C1GALT1: variants seen among roughly 807,000 people sequenced by gnomAD.
The protein encoded by C1GALT1 is core 1 synthase, glycoprotein-N-acetylgalactosamine 3-beta-galactosyltransferase 1.
C1GALT1 carries 11 observed loss-of-function variants against 31.0 expected under a neutral mutation model. The ratio of observed to expected loss-of-function variants is 0.36; its 90% CI spans 0.22 to 0.59. C1GALT1 has a LOEUF of 0.59. Ranked by LOEUF, C1GALT1 falls within the 20% of genes least tolerant of loss-of-function variation. The pLI is 0.79. For missense variants in C1GALT1, 424 were observed against 425.2 expected, an observed-to-expected ratio of 1.00 and a Z score of 0.03; for synonymous variants, 175 against 143.6, an observed-to-expected ratio of 1.22 and a Z score of -1.56.
intron 1 of C1GALT1, among the ~76,000 whole-genome samples, chr7:7,193,384 T>G (rs1471016455): frequency 1.3e-5 from 2 of 152,186 alleles, no homozygotes; most frequent in Non-Finnish European, 2.9e-5. Flanking sequence ...GCTTGCCAGT[T>G]ACCCCAGTAC....
At chr7:7,175,807 CTTTT>C (rs918751564) in intron 2 of C1GALT1, among the ~76,000 whole-genome samples, 1 of 148,914 alleles carries the variant, frequency 6.7e-6, no homozygotes, top group Non-Finnish European at 1.5e-5. Flanking sequence ...CTGCTGAGGG[CTTTT>C]TTTTTTCTGG....
intron 1 of C1GALT1, among the ~76,000 whole-genome samples, chr7:7,186,081 C>T (rs1385771900): frequency 2.0e-5 from 3 of 152,122 alleles, no homozygotes; most frequent in Admixed American, 6.5e-5. Context: ...AGGGACTCTG[C>T]AGAGTCCTGA....
chr7:7,231,439 AGT>A (rs1489795345), intron 1 of C1GALT1, among the ~76,000 whole-genome samples: 5 of 152,176 alleles, frequency 3.3e-5, no homozygotes, highest in Non-Finnish European at 5.9e-5. Flanking sequence ...CAAAGGTTCC[AGT>A]TAACACTTAC....
chr7:7,187,808 G>A (rs2128230455), intron 1 of C1GALT1, among the ~76,000 whole-genome samples: 1 of 152,352 alleles, frequency 6.6e-6, no homozygotes, highest in Admixed American at 6.5e-5. Flanking sequence ...GTTCAGGATT[G>A]CTGAAGCAGA....
In C1GALT1 at chr7:7,244,672, G is replaced by A. The variant is rs1436230085; in HGVS notation, c.*945G>A. On this transcript the variant is annotated 3_prime_UTR_variant, in exon 4 of 4. Transcript: ENST00000436587. ...AAACTCTTTCCAACTACATAGTTAT[G>A]GTTTATTTCATTCTCATCCTGTTGG... 1.3e-5 allele frequency: 2 copies of A among 152,076 alleles called. No homozygotes were observed. Among genetic ancestry groups the A allele is most frequent in the Admixed American group, 6.5e-5 (1 of 15,278 alleles). 9.4% of individuals were successfully genotyped at this position (152,076 alleles called of 1,614,324 possible).
chr7:7,182,879 T>C, intron 1 of C1GALT1, 59 bp downstream of exon 1: 1 of 976,394 alleles, frequency 1.0e-6, no homozygotes, highest in Non-Finnish European at 1.2e-6. Context: ...CCCCTCGCCC[T>C]CCCCCCTCTC....
intron 1 of C1GALT1, among the ~76,000 whole-genome samples, chr7:7,205,757 A>G (rs2128237129): frequency 6.6e-6 from 1 of 152,206 alleles, no homozygotes. Context: ...TATGAATGGA[A>G]TATCTTTTTT....
At chr7:7,171,794 C>A (rs6945013) in intron 2 of C1GALT1, among the ~76,000 whole-genome samples, 16,750 of 151,874 alleles carry the variant, frequency 0.11, 1,130 homozygotes, top group African/African-American at 0.19. Context: ...ACGTTTAATG[C>A]CCTAAATTTA....
chr7:7,170,548 C>T (rs1373279062), intron 2 of C1GALT1, among the ~76,000 whole-genome samples: 3 of 152,114 alleles, frequency 2.0e-5, no homozygotes, highest in South Asian at 2.1e-4. Flanking sequence ...TTTGGGAGGC[C>T]GAGGCGGGCA....
chr7:7,221,841 C>G (rs1266468603), intron 1 of C1GALT1, among the ~76,000 whole-genome samples: 1 of 152,224 alleles, frequency 6.6e-6, no homozygotes, highest in Non-Finnish European at 1.5e-5. Context: ...CAAGGCCACC[C>G]TCACCATGCC....
intron 2 of C1GALT1, among the ~76,000 whole-genome samples, chr7:7,162,909 GTCT>G (rs1265587915): frequency 6.6e-6 from 1 of 152,144 alleles, no homozygotes; most frequent in African/African-American, 2.4e-5. Flanking sequence ...CTGCATAAAT[GTCT>G]TCTTTTGAGA....
At chr7:7,227,585 T>G (rs1318763761) in intron 1 of C1GALT1, among the ~76,000 whole-genome samples, 3 of 151,520 alleles carry the variant, frequency 2.0e-5, no homozygotes, top group East Asian at 3.9e-4. Flanking sequence ...CCGGGCGTAG[T>G]GGCGGGCGCC....
chr7:7,174,208 C>T (rs1041059060), intron 2 of C1GALT1, among the ~76,000 whole-genome samples: 1 of 152,152 alleles, frequency 6.6e-6, no homozygotes, highest in Middle Eastern at 3.2e-3. Context: ...TTAGAGACCC[C>T]ATCTCCAAAT....
At chr7:7,224,551 T>C (rs1277912542) in intron 1 of C1GALT1, among the ~76,000 whole-genome samples, 1 of 152,168 alleles carries the variant, frequency 6.6e-6, no homozygotes. Context: ...CTATTTCATA[T>C]TGAGTGAATT....
intron 1 of C1GALT1, among the ~76,000 whole-genome samples, chr7:7,186,248 C>G (rs1780811983): frequency 6.6e-6 from 1 of 152,162 alleles, no homozygotes; most frequent in East Asian, 1.9e-4. Flanking sequence ...TTAAAGACTC[C>G]AGCTCTCAAT....
intron 1 of C1GALT1, among the ~76,000 whole-genome samples, chr7:7,199,257 A>G (rs1403930614): frequency 6.6e-6 from 1 of 152,190 alleles, no homozygotes; most frequent in Non-Finnish European, 1.5e-5. Flanking sequence ...CATTGGTTTC[A>G]AAGAACATCT....
At chr7:7,189,828 A>C (rs1358838226) in intron 1 of C1GALT1, among the ~76,000 whole-genome samples, 2 of 152,154 alleles carry the variant, frequency 1.3e-5, no homozygotes, top group Non-Finnish European at 2.9e-5. Flanking sequence ...AAATACTGAA[A>C]TCTTAGAAAC....
intron 2 of C1GALT1, among the ~76,000 whole-genome samples, chr7:7,162,077 TTC>T (rs1411651509): frequency 1.3e-5 from 2 of 150,896 alleles, no homozygotes; most frequent in East Asian, 1.9e-4. Context: ...CTTTTTTTTT[TTC>T]TTTTTTTTTA....
chr7:7,213,160 T>C (rs1782083558), intron 1 of C1GALT1, among the ~76,000 whole-genome samples: 1 of 152,186 alleles, frequency 6.6e-6, no homozygotes, highest in African/African-American at 2.4e-5. Context: ...TCTTTCTCAA[T>C]TTCAGTGTTA....
Sources: allele counts gnomAD v4.1 joint callset (sites outside exome capture counted in the v4.1 genomes callset), GRCh38; gene constraint gnomAD v4.1.1; transcripts MANE v1.5; gene names NCBI Gene and HGNC (gene_info 2026-07-23, HGNC 2026-07-21).